The following PTK2 variants were observed in gnomAD, a reference collection of about 807,000 sequenced individuals.
PTK2 encodes focal adhesion kinase 1.
Under a neutral mutation model 150.1 loss-of-function variants are expected in PTK2, and 45 were observed. The ratio of observed to expected loss-of-function variants is 0.30; its 90% CI spans 0.24 to 0.38. PTK2 has a LOEUF of 0.38. Among genes scored for constraint, PTK2 ranks in the 10% least tolerant of loss-of-function variants. The pLI is 1.00. For missense variants in PTK2, 919 were observed against 1,307.3 expected (o/e 0.70, Z 4.58); for synonymous variants, 432 against 449.2 (o/e 0.96, Z 0.48).
chr8:140,710,489 T>C (rs2154188519), intron 23 of PTK2, among the ~76,000 whole-genome samples: 1 of 152,080 alleles, frequency 6.6e-6, no homozygotes, highest in South Asian at 2.1e-4. Context: ...GTCAACATGG[T>C]GAAACCCTGT....
intron 2 of PTK2, among the ~76,000 whole-genome samples, chr8:140,924,920 A>G (rs964477282): frequency 1.3e-5 from 2 of 152,218 alleles, no homozygotes; most frequent in Admixed American, 1.3e-4. Flanking sequence ...GTTATAAGCA[A>G]GATCAGTAAG....
intron 3 of PTK2, among the ~76,000 whole-genome samples, chr8:140,884,970 T>C (rs2100151742): frequency 2.0e-5 from 3 of 152,236 alleles, no homozygotes; most frequent in Non-Finnish European, 4.4e-5. Context: ...ATATGCTATT[T>C]ATTTAGAAAA....
At chr8:140,750,927 A>G (rs1272793902) in intron 17 of PTK2, among the ~76,000 whole-genome samples, 2 of 152,156 alleles carry the variant, frequency 1.3e-5, no homozygotes, top group Non-Finnish European at 2.9e-5. Flanking sequence ...ACAAAAACAA[A>G]AACAAAAAAA....
chr8:140,706,234 T>C (rs2100033710), intron 23 of PTK2, 29 bp from the exon 27 acceptor site: 1 of 1,529,460 alleles, frequency 6.5e-7, no homozygotes, highest in South Asian at 1.1e-5. Context: ...ATCATATGAA[T>C]GAACCTTTTG....
chr8:140,967,020 T>A (rs1159492241), intron 1 of PTK2, among the ~76,000 whole-genome samples: 1 of 152,332 alleles, frequency 6.6e-6, no homozygotes, highest in East Asian at 1.9e-4. Context: ...ATCATAACAA[T>A]AGCAGCTTCA....
chr8:140,902,929 T>TTGTTTTTTTTTTTG (rs139013580), intron 2 of PTK2, among the ~76,000 whole-genome samples: 1 of 68,392 alleles, frequency 1.5e-5, no homozygotes, highest in Non-Finnish European at 3.6e-5. Flanking sequence ...GAGTTGTTTT[T>TTGTTTTTTTTTTTG]TTTTTTTTTT....
At chr8:140,777,877 G>C (rs2100079338) in intron 14 of PTK2, among the ~76,000 whole-genome samples, 1 of 152,152 alleles carries the variant, frequency 6.6e-6, no homozygotes. Flanking sequence ...CTATGTGTGG[G>C]CAGATCACTT....
chr8:140,980,378 G>C (rs1447338454), intron 1 of PTK2, among the ~76,000 whole-genome samples: 1 of 152,216 alleles, frequency 6.6e-6, no homozygotes, highest in Admixed American at 6.5e-5. Flanking sequence ...AGCACTTTGG[G>C]AGGCCGAAGC....
intron 17 of PTK2, among the ~76,000 whole-genome samples, chr8:140,751,611 T>A (rs1393960533): frequency 6.6e-6 from 1 of 151,898 alleles, no homozygotes; most frequent in African/African-American, 2.4e-5. Context: ...CCTGCCTCAG[T>A]CTCCTGAGTA....
At chr8:140,733,354 A>G (rs1440649748) in intron 22 of PTK2, among the ~76,000 whole-genome samples, 2 of 152,220 alleles carry the variant, frequency 1.3e-5, no homozygotes, top group Non-Finnish European at 2.9e-5. Flanking sequence ...ATAGACAGAC[A>G]GAGGTAAGCA....
At chr8:140,714,832 GACTT>G (rs925703144) in intron 23 of PTK2, among the ~76,000 whole-genome samples, 3 of 112,290 alleles carry the variant, frequency 2.7e-5, no homozygotes, top group African/African-American at 9.1e-5. Context: ...ATCTAAGTAA[GACTT>G]ACTTATTCTA....
chr8:140,999,293 C>T (rs776785651), intron 1 of PTK2, among the ~76,000 whole-genome samples: 1 of 152,172 alleles, frequency 6.6e-6, no homozygotes, highest in Non-Finnish European at 1.5e-5. Context: ...ATAAAGGAAG[C>T]ATGTGTTTTA....
chr8:140,797,791 T>C (rs549163461), intron 12 of PTK2, among the ~76,000 whole-genome samples: 24 of 152,282 alleles, frequency 1.6e-4, no homozygotes, highest in Non-Finnish European at 3.2e-4. Flanking sequence ...TACTATGTTC[T>C]CCCCAGGAAA....
chr8:140,661,030 T>C (rs1025619903), intron 31 of PTK2, among the ~76,000 whole-genome samples: 2 of 152,170 alleles, frequency 1.3e-5, no homozygotes, highest in African/African-American at 2.4e-5. Context: ...AGTAGAAAAG[T>C]ACATAGATAA....
chr8:140,728,482 T>C (rs1312178753), intron 22 of PTK2, among the ~76,000 whole-genome samples: 3 of 152,162 alleles, frequency 2.0e-5, no homozygotes, highest in Non-Finnish European at 4.4e-5. Context: ...GCTAACACAG[T>C]GTGTGTGCTT....
rs999184737 is a variant in PTK2, at chr8:140,931,814, T to C, written c.-121-6065A>G. Among the ~76,000 whole-genome samples the C allele has an allele frequency of 5.3e-5, 8 of 150,340 alleles. No homozygotes were observed. The East Asian group carries it at 5.9e-4, about 11-fold the overall frequency. On this transcript the variant is annotated intron_variant, in intron 1 of 31. Transcript: ENST00000522684. ...AGCTGGTTGTGGTGGCACACACCTATAGTCCCAGCCTGGGAGGCTGAGGTG... is the reference window on the plus strand; with the variant it reads ...AGCTGGTTGTGGTGGCACACACCTACAGTCCCAGCCTGGGAGGCTGAGGTG...
intron 27 of PTK2, among the ~76,000 whole-genome samples, chr8:140,686,389 CT>C (rs796697079): frequency 4.7e-4 from 68 of 144,476 alleles, no homozygotes; most frequent in African/African-American, 1.7e-3. Context: ...ACATGTACCC[CT>C]GAAACTAAAA....
At chr8:140,714,284 A>G (rs1441566141) in intron 23 of PTK2, among the ~76,000 whole-genome samples, 1 of 152,142 alleles carries the variant, frequency 6.6e-6, no homozygotes, top group Non-Finnish European at 1.5e-5. Context: ...TAATTAAGCT[A>G]CATTAAAATT....
rs535759620 is a variant in PTK2, at chr8:140,694,213, T to C, written c.2499+6678A>G. On this transcript the variant is annotated intron_variant, in intron 26 of 31. Transcript: ENST00000522684. ...CTGCCACTACGCCCAGCTAATTTTT[T>C]GTATTTTTTAGTAGAGACGGGGTTT... 4.4e-3 allele frequency among the ~76,000 whole-genome samples: 672 copies of C among 152,086 alleles called. 3 individuals are homozygous for C. Among genetic ancestry groups the C allele is most frequent in the African/African-American group, 0.015 (625 of 41,488 alleles).
Sources: allele counts gnomAD v4.1 joint callset (sites outside exome capture counted in the v4.1 genomes callset), GRCh38; gene constraint gnomAD v4.1.1; transcripts MANE v1.5; gene names NCBI Gene and HGNC (gene_info 2026-07-23, HGNC 2026-07-21).